MAGI2: variants seen among roughly 807,000 people sequenced by gnomAD.
The protein encoded by MAGI2 is membrane associated guanylate kinase, WW and PDZ domain containing 2.
In MAGI2, 35 loss-of-function variants were observed where a neutral mutation model predicts 133.3. The ratio of observed to expected loss-of-function variants is 0.26; its 90% CI spans 0.20 to 0.35. The LOEUF is 0.35. Ranked by LOEUF, MAGI2 falls within the 10% of genes least tolerant of loss-of-function variation. The pLI is 1.00. For synonymous variants in MAGI2, 729 were observed against 710.6 expected, an observed-to-expected ratio of 1.03 and a Z score of -0.41; for missense variants, 1,636 against 1,863.4, an observed-to-expected ratio of 0.88 and a Z score of 2.25.
chr7:78,325,545 T>C (rs536549912), intron 9 of MAGI2, among the ~76,000 whole-genome samples: 2 of 152,354 alleles, frequency 1.3e-5, no homozygotes, highest in East Asian at 3.9e-4. Flanking sequence ...CTCTCTTCTA[T>C]GCAGACAAGA....
intron 2 of MAGI2, among the ~76,000 whole-genome samples, chr7:78,681,184 C>T (rs1048115911): frequency 2.6e-5 from 4 of 152,102 alleles, no homozygotes; most frequent in Non-Finnish European, 4.4e-5. Flanking sequence ...TTCCAGGTGC[C>T]TCATGAGGGG....
At chr7:78,788,218 T>C (rs759647629) in intron 2 of MAGI2, among the ~76,000 whole-genome samples, 6 of 152,164 alleles carry the variant, frequency 3.9e-5, no homozygotes, top group Non-Finnish European at 8.8e-5. Context: ...AGTGGCAAAA[T>C]AGTAATAAAA....
At chr7:79,101,929 T>C (rs939094758) in intron 1 of MAGI2, among the ~76,000 whole-genome samples, 1 of 151,808 alleles carries the variant, frequency 6.6e-6, no homozygotes, top group Non-Finnish European at 1.5e-5. Context: ...ATACACCATA[T>C]ATTTTAGGAA....
At chr7:78,164,369 C>T (rs1036314531) in intron 15 of MAGI2, among the ~76,000 whole-genome samples, 1 of 152,168 alleles carries the variant, frequency 6.6e-6, no homozygotes, top group Non-Finnish European at 1.5e-5. Context: ...GTCATGTGGG[C>T]TGTGATGTCC....
chr7:79,261,998 G>T (rs1834124926), intron 1 of MAGI2, among the ~76,000 whole-genome samples: 1 of 152,086 alleles, frequency 6.6e-6, no homozygotes, highest in South Asian at 2.1e-4. Context: ...TGCAAATATA[G>T]TATCAAATGA....
chr7:78,903,080 T>A (rs7778483), intron 2 of MAGI2, among the ~76,000 whole-genome samples: 17,023 of 149,736 alleles, frequency 0.11, 2,321 homozygotes, highest in African/African-American at 0.32. Flanking sequence ...GTCCTTAAAA[T>A]AGCTTTTGCA....
intron 1 of MAGI2, among the ~76,000 whole-genome samples, chr7:79,305,673 G>T (rs1011007079): frequency 6.6e-6 from 1 of 152,080 alleles, no homozygotes; most frequent in African/African-American, 2.4e-5. Context: ...CACTTTGGAA[G>T]GACAAGGCAG....
intron 2 of MAGI2, among the ~76,000 whole-genome samples, chr7:78,927,528 G>T (rs542418627): frequency 6.6e-6 from 1 of 151,998 alleles, no homozygotes; most frequent in Non-Finnish European, 1.5e-5. Flanking sequence ...CAAGGAAAGG[G>T]TAGAGATAAG....
intron 6 of MAGI2, among the ~76,000 whole-genome samples, chr7:78,385,052 T>C (rs778930929): frequency 6.6e-6 from 1 of 152,322 alleles, no homozygotes; most frequent in East Asian, 1.9e-4. Context: ...GAGACTTGAA[T>C]GCTTTATAGA....
intron 1 of MAGI2, among the ~76,000 whole-genome samples, chr7:79,262,005 A>G (rs1458562815): frequency 6.6e-6 from 1 of 152,216 alleles, no homozygotes; most frequent in Non-Finnish European, 1.5e-5. Context: ...ATAGTATCAA[A>G]TGACTGTGTA....
At chr7:79,005,364 CCTT>C (rs1807328776) in intron 2 of MAGI2, among the ~76,000 whole-genome samples, 1 of 152,048 alleles carries the variant, frequency 6.6e-6, no homozygotes, top group Admixed American at 6.6e-5. Flanking sequence ...AAATTTATGA[CCTT>C]GTACTGAAAT....
At chr7:78,626,730 C>G (rs1223099388) in intron 3 of MAGI2, among the ~76,000 whole-genome samples, 1 of 151,872 alleles carries the variant, frequency 6.6e-6, no homozygotes, top group Non-Finnish European at 1.5e-5. Context: ...GACTAGAATT[C>G]TAGCCCTTCC....
chr7:78,286,210 C>T (rs1658110225), intron 9 of MAGI2, among the ~76,000 whole-genome samples: 1 of 151,962 alleles, frequency 6.6e-6, no homozygotes, highest in Non-Finnish European at 1.5e-5. Context: ...CTCTTTTTCC[C>T]TCCCTCTCTC....
intron 9 of MAGI2, among the ~76,000 whole-genome samples, chr7:78,301,514 T>A (rs1797824038): frequency 6.6e-6 from 1 of 152,152 alleles, no homozygotes; most frequent in Non-Finnish European, 1.5e-5. Context: ...GCACGATGAT[T>A]TCTCTAATGC....
intron 6 of MAGI2, among the ~76,000 whole-genome samples, chr7:78,396,023 G>T (rs1796315383): frequency 6.6e-6 from 1 of 152,158 alleles, no homozygotes; most frequent in Non-Finnish European, 1.5e-5. Flanking sequence ...GTTTGTCATT[G>T]TTAAATCTCC....
At chr7:79,392,630 T>A (rs1000745867) in intron 1 of MAGI2, among the ~76,000 whole-genome samples, 3 of 152,230 alleles carry the variant, frequency 2.0e-5, no homozygotes, top group African/African-American at 7.2e-5. Flanking sequence ...CTTTTTTTCA[T>A]ATGTTTGTTG....
chr7:78,344,263 C>T lies in MAGI2; in HGVS notation c.1226-303G>A, dbSNP rs530275842. ...TTGTGCTTAAAAAAGGCTGTGTCAA[C>T]AGGCTGCCAGAGCCTTCTAAGAAAG... On this transcript the variant is annotated intron_variant, in intron 8 of 21. Coordinates refer to ENST00000354212, the MANE Select transcript of MAGI2 (RefSeq NM_012301.4). Among the ~76,000 whole-genome samples the T allele has an allele frequency of 3.3e-5, 5 of 152,282 alleles. No homozygotes were observed. The South Asian group carries it at 1.0e-3, about 32-fold the overall frequency.
intron 1 of MAGI2, among the ~76,000 whole-genome samples, chr7:79,109,688 A>G (rs867515368): frequency 1.1e-4 from 17 of 152,352 alleles, no homozygotes; most frequent in African/African-American, 3.1e-4. Flanking sequence ...CTGTGGAGCA[A>G]TCACTTGTTA....
chr7:78,278,966 CAAACTTATTTATT>C (rs1198349481), intron 9 of MAGI2, among the ~76,000 whole-genome samples: 1 of 152,132 alleles, frequency 6.6e-6, no homozygotes, highest in African/African-American at 2.4e-5. Flanking sequence ...TGTATCTATT[CAAACTTATTTATT>C]AAACTTATTG....
Sources: gnomAD v4.1 joint callset for allele counts (sites outside exome capture counted in the v4.1 genomes callset) on GRCh38, gnomAD v4.1.1 for gene constraint, MANE v1.5 for transcripts, NCBI Gene and HGNC (gene_info 2026-07-23, HGNC 2026-07-21) for gene names.